The following NDUFA5 variants were observed in gnomAD, a reference collection of about 807,000 sequenced individuals.
NDUFA5 encodes the protein NADH:ubiquinone oxidoreductase subunit A5.
A neutral mutation model predicts 19.8 loss-of-function variants in NDUFA5; 11 were observed. The ratio of observed to expected loss-of-function variants is 0.56; its 90% CI spans 0.35 to 0.92. The LOEUF (loss-of-function observed/expected upper bound fraction) is 0.92, where lower values mean the gene tolerates loss of function less well. Ranked by LOEUF, NDUFA5 falls within the 40% of genes least tolerant of loss-of-function variation. The pLI is 0.01. For missense variants in NDUFA5, 109 were observed against 134.2 expected (o/e 0.81, Z 0.93); for synonymous variants, 47 against 46.8 (o/e 1.00, Z -0.01).
chr7:123,595,638 T>C, the NDUFA5 span, among the ~76,000 whole-genome samples: 2 of 152,230 alleles, frequency 1.3e-5, no homozygotes, highest in East Asian at 1.9e-4. Context: ...TTGGCATACC[T>C]AGTGCACAGC....
chr7:123,600,268 C>T, the NDUFA5 span, among the ~76,000 whole-genome samples: 1 of 152,082 alleles, frequency 6.6e-6, no homozygotes, highest in Non-Finnish European at 1.5e-5. Flanking sequence ...TTTATTTTAC[C>T]ACATGATCTT....
the NDUFA5 span, among the ~76,000 whole-genome samples, chr7:123,576,421 T>C: frequency 6.6e-6 from 1 of 152,180 alleles, no homozygotes; most frequent in East Asian, 1.9e-4. Flanking sequence ...CATGTGTGTG[T>C]GATTCATACG....
chr7:123,570,379 G>T, the NDUFA5 span, among the ~76,000 whole-genome samples: 131 of 152,080 alleles, frequency 8.6e-4, no homozygotes, highest in Non-Finnish European at 1.4e-3. Context: ...CTTACTTTTT[G>T]ACTATATCAC....
the NDUFA5 span, among the ~76,000 whole-genome samples, chr7:123,586,096 A>G: frequency 6.6e-6 from 1 of 151,844 alleles, no homozygotes; most frequent in Non-Finnish European, 1.5e-5. Context: ...ATATACTAAC[A>G]GGTGAGGTTG....
chr7:123,575,255 A>G, the NDUFA5 span, among the ~76,000 whole-genome samples: 1 of 152,090 alleles, frequency 6.6e-6, no homozygotes, highest in Non-Finnish European at 1.5e-5. Context: ...GGAAAAAACA[A>G]TGAAACTATC....
the NDUFA5 span, among the ~76,000 whole-genome samples, chr7:123,587,895 C>A: frequency 3.3e-5 from 5 of 151,660 alleles, no homozygotes; most frequent in Non-Finnish European, 3.0e-5. Flanking sequence ...GCCACTTAAC[C>A]ATGGTACATA....
At chr7:123,582,648 T>C in the NDUFA5 span, among the ~76,000 whole-genome samples, 14 of 151,996 alleles carry the variant, frequency 9.2e-5, no homozygotes, top group African/African-American at 2.4e-4. Context: ...TCTCCCCTTA[T>C]ACATTATCTC....
the NDUFA5 span, among the ~76,000 whole-genome samples, chr7:123,593,108 A>G: frequency 6.7e-6 from 1 of 149,592 alleles, no homozygotes; most frequent in South Asian, 2.1e-4. Context: ...CTTTTTTTTT[A>G]CTTTCCATTT....
chr7:123,589,708 T>A, the NDUFA5 span, among the ~76,000 whole-genome samples: 2 of 152,278 alleles, frequency 1.3e-5, no homozygotes, highest in South Asian at 2.1e-4. Flanking sequence ...ATTTTCTTTA[T>A]CCAGTCTAAT....
At chr7:123,556,671 T>C (rs1798559620) in intron 2 of NDUFA5, 1 of 369,574 alleles carries the variant, frequency 2.7e-6, no homozygotes, top group South Asian at 2.3e-5. Flanking sequence ...CCATTGGATT[T>C]GGCAACATGG....
upstream of NDUFA5, among the ~76,000 whole-genome samples, chr7:123,559,299 A>C (rs1256476928): frequency 6.9e-6 from 1 of 144,490 alleles, no homozygotes; most frequent in African/African-American, 2.6e-5. Context: ...ATAATTAAAG[A>C]AATTGAATTA....
the NDUFA5 span, among the ~76,000 whole-genome samples, chr7:123,583,851 T>TA: frequency 6.6e-6 from 1 of 151,826 alleles, no homozygotes; most frequent in African/African-American, 2.4e-5. Context: ...GATTCCACAA[T>TA]AAAAAACCAA....
intron 4 of NDUFA5, 152 bp downstream of exon 4, chr7:123,545,459 C>G (rs1198334079): frequency 3.2e-6 from 2 of 626,624 alleles, no homozygotes; most frequent in Non-Finnish European, 5.6e-6. Flanking sequence ...AATCAACATA[C>G]ACATGAGAAG....
At chr7:123,586,425 A>G in the NDUFA5 span, among the ~76,000 whole-genome samples, 1 of 151,504 alleles carries the variant, frequency 6.6e-6, no homozygotes, top group African/African-American at 2.4e-5. Context: ...TAATTAGGTT[A>G]TTTGTTTTTT....
upstream of NDUFA5, among the ~76,000 whole-genome samples, chr7:123,559,230 A>G (rs768544354): frequency 1.3e-4 from 20 of 151,922 alleles, no homozygotes; most frequent in Non-Finnish European, 1.8e-4. Flanking sequence ...TTCCTAGAAA[A>G]ACACAAACTA....
In NDUFA5 at chr7:123,537,031, T is replaced by C. The variant is rs1199462181; in HGVS notation, c.*5088A>G. On this transcript the variant is annotated 3_prime_UTR_variant, in exon 5 of 5. Coordinates refer to ENST00000355749, the MANE Select transcript of NDUFA5 (RefSeq NM_005000.5). ...ATAATAAATTTATATTCAAACTTAA[T>C]GAAAACAACCAATAGGAAAAAGCTT... is the stretch of plus-strand genomic sequence containing the variant. 2 of 152,224 alleles carry C rather than the reference T, an allele frequency of 1.3e-5. No individual in the cohort carries two copies. The highest frequency in any genetic ancestry group is 3.8e-4 in the East Asian group (2 of 5,200). 9.4% of individuals were successfully genotyped at this position (152,224 alleles called of 1,614,324 possible).
the NDUFA5 span, among the ~76,000 whole-genome samples, chr7:123,593,582 T>C: frequency 6.6e-6 from 1 of 152,184 alleles, no homozygotes; most frequent in Non-Finnish European, 1.5e-5. Flanking sequence ...TTTTTTTTCT[T>C]TAAGAATGTT....
chr7:123,573,100 T>C, the NDUFA5 span, among the ~76,000 whole-genome samples: 1 of 152,144 alleles, frequency 6.6e-6, no homozygotes, highest in African/African-American at 2.4e-5. Flanking sequence ...AAGTACTCCC[T>C]GAAATCACCT....
the NDUFA5 span, among the ~76,000 whole-genome samples, chr7:123,599,251 A>T: frequency 1.3e-5 from 2 of 150,878 alleles, no homozygotes; most frequent in African/African-American, 4.9e-5. Flanking sequence ...AACAACAAAA[A>T]AGAATACCAA....
Sources: gnomAD v4.1 joint callset for allele counts (sites outside exome capture counted in the v4.1 genomes callset) on GRCh38, gnomAD v4.1.1 for gene constraint, MANE v1.5 for transcripts, NCBI Gene and HGNC (gene_info 2026-07-23, HGNC 2026-07-21) for gene names.